The following CD9 variants were observed in gnomAD, a reference collection of about 807,000 sequenced individuals.
CD9 encodes CD9 molecule.
Under a neutral mutation model 31.4 loss-of-function variants are expected in CD9, and 10 were observed. The observed-to-expected ratio is 0.32, with a 90% CI of 0.20 to 0.54. The LOEUF (loss-of-function observed/expected upper bound fraction) is 0.54, where lower values mean the gene tolerates loss of function less well. Ranked by LOEUF, CD9 falls within the 20% of genes least tolerant of loss-of-function variation. CD9 has a pLI of 0.94. For synonymous variants in CD9, 113 were observed against 114.1 expected, an observed-to-expected ratio of 0.99 and a Z score of 0.06; for missense variants, 259 against 300.1, an observed-to-expected ratio of 0.86 and a Z score of 1.01.
At position 6,227,542 on chromosome 12, in the gene CD9, A is replaced by C. The variant is rs192833151; in HGVS notation, c.175+2008A>C. Among the ~76,000 whole-genome samples, 23 of 152,268 alleles carry C rather than the reference A, an allele frequency of 1.5e-4. No individual in the cohort carries two copies. In the East Asian group the frequency reaches 3.9e-3, roughly 26 times the overall value. Reference sequence around the variant, plus strand: ...GAGCCCCCTTCTTTGTGTGTCATTCATTGTCTTGTGTGTATTATATAATTT... The same window carrying C: ...GAGCCCCCTTCTTTGTGTGTCATTCCTTGTCTTGTGTGTATTATATAATTT... On this transcript the variant is annotated intron_variant, in intron 2 of 7. Coordinates refer to ENST00000009180, the MANE Select transcript of CD9 (RefSeq NM_001769.4).
rs533720336 is a variant in CD9, at chr12:6,217,357, A to T, written c.67-8069A>T. On this transcript the variant is annotated intron_variant, in intron 1 of 7. Coordinates refer to ENST00000009180, the MANE Select transcript of CD9 (RefSeq NM_001769.4). ...AGCAACACGGTGAAACCCTGTCTCT[A>T]CAAAAAAAATAAGAAAAAAAAAAAT... 7.0e-4 allele frequency among the ~76,000 whole-genome samples: 107 copies of T among 151,848 alleles called. 1 individual carries two copies. The highest frequency in any genetic ancestry group is 2.4e-3 in the African/African-American group (100 of 41,248).
intron 1 of CD9, among the ~76,000 whole-genome samples, chr12:6,207,542 C>T (rs1471037329): frequency 1.3e-5 from 2 of 152,248 alleles, no homozygotes; most frequent in East Asian, 3.8e-4. Context: ...CTTGGCTTAG[C>T]TTTTCCCAGA....
chr12:6,216,579 A>G (rs1946244938), intron 1 of CD9, among the ~76,000 whole-genome samples: 1 of 152,222 alleles, frequency 6.6e-6, no homozygotes, highest in Non-Finnish European at 1.5e-5. Context: ...CCAAGGAAGG[A>G]CAGAAGCCTA....
intron 1 of CD9, among the ~76,000 whole-genome samples, chr12:6,209,502 C>T (rs2136604826): frequency 6.6e-6 from 1 of 152,270 alleles, no homozygotes; most frequent in South Asian, 2.1e-4. Context: ...TAAACATCTT[C>T]TTTCTCACAA....
At chr12:6,236,651 C>A in intron 7 of CD9, 1 of 421,710 alleles carries the variant, frequency 2.4e-6, no homozygotes, top group Non-Finnish European at 4.2e-6. Context: ...GGGAATTGTT[C>A]CATTTCCTGA....
At chr12:6,215,249 C>A (rs1311974909) in intron 1 of CD9, among the ~76,000 whole-genome samples, 1 of 152,200 alleles carries the variant, frequency 6.6e-6, no homozygotes, top group African/African-American at 2.4e-5. Context: ...CCCATCCATG[C>A]CTTCAGGCTT....
intron 1 of CD9, among the ~76,000 whole-genome samples, chr12:6,204,167 T>C (rs1946104619): frequency 6.6e-6 from 1 of 152,136 alleles, no homozygotes; most frequent in African/African-American, 2.4e-5. Context: ...TGTAAAACAA[T>C]AGCTTGGAAC....
chr12:6,211,227 G>T (rs968376882), intron 1 of CD9, among the ~76,000 whole-genome samples: 1 of 152,182 alleles, frequency 6.6e-6, no homozygotes, highest in African/African-American at 2.4e-5. Context: ...AAACTAAATA[G>T]TTCTGGAGAA....
intron 1 of CD9, among the ~76,000 whole-genome samples, chr12:6,211,229 T>G (rs1339556331): frequency 6.6e-6 from 1 of 152,166 alleles, no homozygotes; most frequent in Non-Finnish European, 1.5e-5. Context: ...ACTAAATAGT[T>G]CTGGAGAAGT....
intron 1 of CD9, among the ~76,000 whole-genome samples, chr12:6,218,384 C>T (rs749014735): frequency 1.2e-4 from 19 of 152,186 alleles, no homozygotes; most frequent in Non-Finnish European, 2.4e-4. Context: ...TTCTCCCACC[C>T]GGGGAGTGGC....
chr12:6,210,295 C>T (rs1031638603), intron 1 of CD9, among the ~76,000 whole-genome samples: 4 of 152,250 alleles, frequency 2.6e-5, no homozygotes, highest in African/African-American at 9.6e-5. Context: ...CAATGGGCAG[C>T]TGCAACAGTG....
At chr12:6,215,335 T>G (rs1271564603) in intron 1 of CD9, among the ~76,000 whole-genome samples, 2 of 152,106 alleles carry the variant, frequency 1.3e-5, no homozygotes, top group Non-Finnish European at 2.9e-5. Flanking sequence ...CCTTCCTGAT[T>G]ATTGGTGTGT....
At position 6,219,194 on chromosome 12, in the gene CD9, C is replaced by T. The variant is rs543377567; in HGVS notation, c.67-6232C>T. On this transcript the variant is annotated intron_variant, in intron 1 of 7. Coordinates refer to ENST00000009180, the MANE Select transcript of CD9 (RefSeq NM_001769.4). ...CTAATTTTTGTAGTTTTAGTAGAGA[C>T]GGGGTTTCACCATGTTGGCCAGGCT... Among the ~76,000 whole-genome samples the T allele has an allele frequency of 7.4e-4, 112 of 151,808 alleles. 1 individual carries two copies. The highest frequency in any genetic ancestry group is 2.4e-3 in the African/African-American group (100 of 41,414).
intron 2 of CD9, among the ~76,000 whole-genome samples, chr12:6,230,526 C>G (rs1209936589): frequency 2.0e-5 from 3 of 152,370 alleles, no homozygotes; most frequent in African/African-American, 7.2e-5. Context: ...GTTTGTAAAT[C>G]CTTTTGATCT....
chr12:6,236,565 A>T (rs948468972), intron 7 of CD9: 10 of 489,178 alleles, frequency 2.0e-5, no homozygotes, highest in Non-Finnish European at 3.6e-5. Context: ...TGGCACTGCT[A>T]GTCCTCGGAG....
In CD9 at chr12:6,200,485, A is replaced by G; in HGVS notation, c.-15A>G. ...GTCCCGCACCCGTTCGGCCCAGGCT[A>G]AGTTAGCCCTCACCATGCCGGTCAA... is the stretch of plus-strand genomic sequence containing the variant. On this transcript the variant is annotated 5_prime_UTR_variant, in exon 1 of 8. Coordinates refer to ENST00000009180, the MANE Select transcript of CD9 (RefSeq NM_001769.4). 6.2e-7 allele frequency: 1 copy of G among 1,602,574 alleles called. No homozygotes were observed. Among genetic ancestry groups the G allele is most frequent in the Non-Finnish European group, 8.5e-7 (1 of 1,170,276 alleles).
chr12:6,236,634 CCGGCGTGGGAATTG>C, intron 7 of CD9: 1 of 422,760 alleles, frequency 2.4e-6, no homozygotes, highest in South Asian at 9.2e-5. Flanking sequence ...CTAGAGGCTA[CCGGCGTGGGAATTG>C]TTCCATTTCC....
Position 6,233,434 on chromosome 12 carries a change from T to C in CD9, c.296T>C (p.Ile99Thr). Reference protein sequence around the residue: ...LGLFFGFLLVIFAIEIAAAIW... With the variant: ...LGLFFGFLLVTFAIEIAAAIW... Reference sequence around the variant, plus strand: ...CAGTTCTTCGGCTTCCTCTTGGTGATATTCGCCATTGAAATAGCTGCGGCC... The same window carrying C: ...CAGTTCTTCGGCTTCCTCTTGGTGACATTCGCCATTGAAATAGCTGCGGCC... Residue 99 changes from isoleucine to threonine, a missense_variant, in exon 4 of 8, where the codon ATA (isoleucine) becomes ACA (threonine). Transcript: ENST00000009180. The C allele has an allele frequency of 6.2e-7, 1 of 1,614,148 alleles. No homozygotes were observed.
intron 1 of CD9, among the ~76,000 whole-genome samples, chr12:6,201,430 C>G (rs1203291401): frequency 6.6e-6 from 1 of 152,216 alleles, no homozygotes; most frequent in Admixed American, 6.5e-5. Flanking sequence ...TTGGCCTTGC[C>G]CTCTCCCCTC....
Sources: gnomAD v4.1 joint callset for allele counts (sites outside exome capture counted in the v4.1 genomes callset) on GRCh38, gnomAD v4.1.1 for gene constraint, MANE v1.5 for transcripts, NCBI Gene and HGNC (gene_info 2026-07-23, HGNC 2026-07-21) for gene names.